The following UBE4B variants were observed in gnomAD, a reference collection of about 807,000 sequenced individuals.
UBE4B encodes ubiquitin conjugation factor E4 B.
A neutral mutation model predicts 148.1 loss-of-function variants in UBE4B; 27 were observed. The observed-to-expected ratio is 0.18, with a 90% CI of 0.13 to 0.25. The LOEUF (loss-of-function observed/expected upper bound fraction) is 0.25. Among genes scored for constraint, UBE4B ranks in the 10% least tolerant of loss-of-function variants. The pLI, the probability that UBE4B is intolerant of heterozygous loss-of-function variation, is 1.00. For missense variants in UBE4B, 1,170 were observed against 1,662.4 expected, an observed-to-expected ratio of 0.70 and a Z score of 5.15; for synonymous variants, 596 against 619.3, an observed-to-expected ratio of 0.96 and a Z score of 0.56.
intron 14 of UBE4B, among the ~76,000 whole-genome samples, chr1:10,131,530 G>A (rs933944797): frequency 6.6e-6 from 1 of 151,624 alleles, no homozygotes; most frequent in African/African-American, 2.4e-5. Flanking sequence ...GGTAACTAAG[G>A]TAATTTTGAT....
At position 10,095,590 on chromosome 1, in the gene UBE4B, A is replaced by G. The variant is rs1180802154; in HGVS notation, c.341A>G (p.Glu114Gly). The G allele has an allele frequency of 6.2e-7, 1 of 1,613,904 alleles. No individual in the cohort carries two copies. The highest frequency in any genetic ancestry group is 8.5e-7 in the Non-Finnish European group (1 of 1,179,992). The change falls in exon 3 of 28, where the codon GAG (glutamate) becomes GGG (glycine). Residue 114 changes from glutamate to glycine, a missense_variant. Physicochemically the swap from Glu to Gly is moderately conservative, Grantham distance 98. Transcript: ENST00000343090. ...ATGGATATCGATGGTGTCTCATGTGAGAAAAGGTAAAATGAAGCCAGTTTT... is the reference window on the plus strand; with the variant it reads ...ATGGATATCGATGGTGTCTCATGTGGGAAAAGGTAAAATGAAGCCAGTTTT... Reference protein sequence around the residue: ...QSMDIDGVSCEKSMSQVDVDS... With the variant: ...QSMDIDGVSCGKSMSQVDVDS...
chr1:10,179,718 C>T (rs1365830050), intron 27 of UBE4B, among the ~76,000 whole-genome samples, 156 bp downstream of exon 27: 1 of 152,130 alleles, frequency 6.6e-6, no homozygotes, highest in Non-Finnish European at 1.5e-5. Flanking sequence ...ACACTCTTGG[C>T]CCTTTTTCCC....
At chr1:10,169,422 T>C (rs1055968897) in intron 24 of UBE4B, among the ~76,000 whole-genome samples, 2 of 152,196 alleles carry the variant, frequency 1.3e-5, no homozygotes, top group African/African-American at 4.8e-5. Context: ...TGGGGACAAC[T>C]CTTTTCCACT....
chr1:10,126,891 C>T lies in UBE4B; in HGVS notation c.1638+14C>T. On this transcript the variant is annotated intron_variant, in intron 11 of 27. Transcript: ENST00000343090. ...TACCCCCTCATGGTAAAACTTTGTT[C>T]TTTTTCTTTAACTCATTCAATAGAT... The T allele has an allele frequency of 6.2e-7, 1 of 1,605,836 alleles. No individual in the cohort carries two copies. The highest frequency in any genetic ancestry group is 8.5e-7 in the Non-Finnish European group (1 of 1,173,106).
rs530630419 is a variant in UBE4B at position 10,175,519 on chromosome 1, C to T, written c.3526-3125C>T. Among the ~76,000 whole-genome samples, 623 of 151,562 alleles carry T rather than the reference C, an allele frequency of 4.1e-3. 2 individuals carry two copies. Among genetic ancestry groups the T allele is most frequent in the South Asian group, 0.01 (49 of 4,798 alleles). The stretch of plus-strand genomic sequence containing the variant: ...ACAAAAAATTAGCCAGGCGTGGTGG[C>T]GGGCGCCCGTAGACCCAGCTACTCG... On this transcript the variant is annotated intron_variant, in intron 25 of 27. Coordinates refer to ENST00000343090, the MANE Select transcript of UBE4B (RefSeq NM_001105562.3).
chr1:10,097,626 A>G (rs996032580), intron 3 of UBE4B, among the ~76,000 whole-genome samples: 1 of 152,158 alleles, frequency 6.6e-6, no homozygotes, highest in Non-Finnish European at 1.5e-5. Context: ...CCTGGCCAAC[A>G]TGTTGAAACC....
chr1:10,114,968 T>G (rs1276619039), intron 7 of UBE4B, among the ~76,000 whole-genome samples: 2 of 152,126 alleles, frequency 1.3e-5, no homozygotes, highest in Non-Finnish European at 2.9e-5. Context: ...GGTGGCTTAG[T>G]TACCTACTCA....
intron 20 of UBE4B, 74 bp from the exon 21 acceptor site, chr1:10,151,252 C>G: frequency 7.1e-7 from 1 of 1,416,046 alleles, no homozygotes; most frequent in Non-Finnish European, 9.9e-7. Context: ...CTTACTGACA[C>G]CAGCCTTCAC....
intron 2 of UBE4B, chr1:10,072,630 ACTTTTT>A (rs1644508467): frequency 3.3e-6 from 2 of 612,790 alleles, no homozygotes; most frequent in African/African-American, 3.7e-5. Context: ...TTGGCACAGA[ACTTTTT>A]CTTTAACTTT....
Position 10,139,822 on chromosome 1 carries a change from A to G in UBE4B, c.2363+2617A>G, listed in dbSNP as rs533572097. ...TGGCTCACCTCAACCTCTGCCTCCC[A>G]GGTTCAAGTGATTCTCCTGCCTCAG... On this transcript the variant is annotated intron_variant, in intron 17 of 27. Coordinates refer to ENST00000343090, the MANE Select transcript of UBE4B (RefSeq NM_001105562.3). Among the ~76,000 whole-genome samples the G allele has an allele frequency of 2.0e-5, 3 of 152,286 alleles. No homozygotes were observed. In the East Asian group the frequency reaches 5.8e-4, roughly 29 times the overall value.
At chr1:10,127,010 G>A in intron 11 of UBE4B, 133 bp downstream of exon 11, 1 of 783,218 alleles carries the variant, frequency 1.3e-6, no homozygotes, top group Non-Finnish European at 2.1e-6. Context: ...CACTGTGTTG[G>A]CCATGCAGAG....
Position 10,161,066 on chromosome 1 carries a change from C to G in UBE4B, c.3054-76C>G. On this transcript the variant is annotated intron_variant, in intron 22 of 27. Coordinates refer to ENST00000343090, the MANE Select transcript of UBE4B (RefSeq NM_001105562.3). The surrounding 1 kb of genome is among the most constrained non-coding windows in gnomAD (Gnocchi z 4.1). ...GATAGTTGCAGTCTGGGTGGAGGTG[C>G]TTGTTCCCTGGGATTTGCTGTGGCA... 12 of 1,548,726 alleles carry G rather than the reference C, an allele frequency of 7.7e-6. No individual in the cohort carries two copies. In the South Asian group the frequency reaches 1.4e-4, roughly 18 times the overall value.
At chr1:10,073,557 C>CA (rs1321834560) in intron 2 of UBE4B, among the ~76,000 whole-genome samples, 2 of 151,478 alleles carry the variant, frequency 1.3e-5, no homozygotes, top group African/African-American at 4.9e-5. Flanking sequence ...GCCCGTCTCA[C>CA]AAAAAAAATA....
Position 10,171,254 on chromosome 1 carries a change from G to A in UBE4B, c.3450G>A (p.Lys1150=), listed in dbSNP as rs144910738. The A allele has an allele frequency of 2.8e-5, 46 of 1,614,120 alleles. No homozygotes were observed. Among genetic ancestry groups the A allele is most frequent in the Non-Finnish European group, 3.4e-5 (40 of 1,180,048 alleles). Residue 1150 remains lysine (K), a synonymous_variant, in exon 25 of 28, where the codon AAG becomes AAA. Coordinates refer to ENST00000343090, the MANE Select transcript of UBE4B (RefSeq NM_001105562.3). ...AGAAATACGGCTTTGAACCAAAGAA[G>A]CTGTTGGACCAACTGACGGATATTT... ...NPEKYGFEPK[K]LLDQLTDIYL...
chr1:10,065,912 C>T (rs1644377755), intron 1 of UBE4B, among the ~76,000 whole-genome samples: 2 of 152,042 alleles, frequency 1.3e-5, no homozygotes, highest in Non-Finnish European at 2.9e-5. Flanking sequence ...CCTTTTGCAA[C>T]CGGCTTTTTC....
chr1:10,129,998 G>A (rs1184332796), intron 12 of UBE4B, among the ~76,000 whole-genome samples: 1 of 151,966 alleles, frequency 6.6e-6, no homozygotes, highest in Non-Finnish European at 1.5e-5. Flanking sequence ...CTAACAAGAG[G>A]TATGGAAAAG....
intron 2 of UBE4B, among the ~76,000 whole-genome samples, chr1:10,093,820 A>ATTAT (rs1644886987): frequency 6.6e-6 from 1 of 151,402 alleles, no homozygotes; most frequent in Non-Finnish European, 1.5e-5. Context: ...TGAACCTCCC[A>ATTAT]AGTAGCTGGG....
intron 11 of UBE4B, among the ~76,000 whole-genome samples, chr1:10,128,004 C>T (rs761666555): frequency 1.3e-5 from 2 of 152,110 alleles, no homozygotes; most frequent in Non-Finnish European, 2.9e-5. Flanking sequence ...GGATTTATGC[C>T]AGAGCTCTTT....
At chr1:10,038,862 C>T (rs937589506) in intron 1 of UBE4B, among the ~76,000 whole-genome samples, 1 of 151,850 alleles carries the variant, frequency 6.6e-6, no homozygotes, top group East Asian at 1.9e-4. Flanking sequence ...TTCGGGAGGT[C>T]GAGGCAGGCG....
Sources: gnomAD v4.1 joint callset for allele counts (sites outside exome capture counted in the v4.1 genomes callset) on GRCh38, gnomAD v4.1.1 for gene constraint, Gnocchi (gnomAD v3.1) non-coding constraint, MANE v1.5 for transcripts, NCBI Gene and HGNC (gene_info 2026-07-23, HGNC 2026-07-21) for gene names.